Variants in ZFYVE21 observed in about 807,000 individuals in gnomAD.
The protein encoded by ZFYVE21 is zinc finger FYVE domain-containing protein 21.
In ZFYVE21, 21 loss-of-function variants were observed where a neutral mutation model predicts 29.5. The observed-to-expected ratio is 0.71, with a 90% CI of 0.50 to 1.02. ZFYVE21 has a LOEUF of 1.02. Ranked by LOEUF, ZFYVE21 falls within the 50% of genes least tolerant of loss-of-function variation. ZFYVE21 has a pLI of 0.00. For missense variants in ZFYVE21, 326 were observed against 335.4 expected, an observed-to-expected ratio of 0.97 and a Z score of 0.22; for synonymous variants, 151 against 133.8, an observed-to-expected ratio of 1.13 and a Z score of -0.89.
rs545448038 is a variant in ZFYVE21 at position 103,729,974 on chromosome 14, G to A, written c.526+792G>A. 6 of 1,111,124 alleles carry A rather than the reference G, an allele frequency of 5.4e-6. No individual in the cohort carries two copies. In the South Asian group the frequency reaches 6.3e-5, roughly 12 times the overall value. The allele number at this position is 1,111,124 out of a possible 1,614,324, so 68.8% of individuals were successfully genotyped here. On this transcript the variant is annotated intron_variant, in intron 5 of 6. Coordinates refer to ENST00000311141, the MANE Select transcript of ZFYVE21 (RefSeq NM_024071.4). ...TGTGAAACCTGAATTCACTTACTTTGGTTGACTTAAGAGAGATGTTGGATC... is the reference window on the plus strand; with the variant it reads ...TGTGAAACCTGAATTCACTTACTTTAGTTGACTTAAGAGAGATGTTGGATC...
chr14:103,728,736 A>T (rs927512414), intron 3 of ZFYVE21, 172 bp from the exon 4 acceptor site: 47 of 641,588 alleles, frequency 7.3e-5, no homozygotes, highest in Non-Finnish European at 2.2e-5. Flanking sequence ...TAAACCCTTG[A>T]TCCATGACTG....
chr14:103,728,108 G>A (rs1319377288), intron 3 of ZFYVE21, 194 bp downstream of exon 3: 14 of 604,388 alleles, frequency 2.3e-5, no homozygotes, highest in Non-Finnish European at 3.5e-5. Flanking sequence ...GCGGAATGTC[G>A]TCTAAAATGT....
Position 103,726,779 on chromosome 14 carries a change from G to T in ZFYVE21, c.139-13G>T, listed in dbSNP as rs770144586. ...CCAAGCTGCGTTTTAACGCTTTGTC[G>T]TGTCTTTCCTAGTGTCGGAGATGTA... On this transcript the variant is annotated splice_polypyrimidine_tract_variant and intron_variant, in intron 1 of 6. Coordinates refer to ENST00000311141, the MANE Select transcript of ZFYVE21 (RefSeq NM_024071.4). The T allele has an allele frequency of 1.5e-5, 25 of 1,613,730 alleles. No individual in the cohort carries two copies. The highest frequency in any genetic ancestry group is 1.6e-4 in the Middle Eastern group (1 of 6,082).
intron 2 of ZFYVE21, chr14:103,727,523 G>C: frequency 1.0e-5 from 7 of 697,812 alleles, no homozygotes; most frequent in Non-Finnish European, 1.8e-5. Flanking sequence ...CAGCCATTTT[G>C]ATCCATGATT....
chr14:103,720,155 A>G (rs2083861107), intron 1 of ZFYVE21, among the ~76,000 whole-genome samples: 1 of 152,222 alleles, frequency 6.6e-6, no homozygotes, highest in South Asian at 2.1e-4. Context: ...GAGAGGAGCC[A>G]GTTTACAACT....
chr14:103,722,450 G>T (rs1049689757), intron 1 of ZFYVE21, among the ~76,000 whole-genome samples: 4 of 150,638 alleles, frequency 2.7e-5, no homozygotes, highest in African/African-American at 9.8e-5. Flanking sequence ...GACCTCCTGG[G>T]CTCAAGCTGT....
chr14:103,724,106 G>C (rs757848328), intron 1 of ZFYVE21, among the ~76,000 whole-genome samples: 1 of 152,226 alleles, frequency 6.6e-6, no homozygotes, highest in Non-Finnish European at 1.5e-5. Context: ...TGGAGGATCC[G>C]TGGCTGGGCC....
At chr14:103,726,983 TCGCCCAGGCTGGAGTGCAGTGG>T in intron 2 of ZFYVE21, 141 bp downstream of exon 2, 6 of 771,190 alleles carry the variant, frequency 7.8e-6, no homozygotes, top group Non-Finnish European at 1.2e-5. Context: ...TTCGCTCTTG[TCGCCCAGGCTGGAGTGCAGTGG>T]CTCCATCTCG....
At chr14:103,729,992 G>A in intron 5 of ZFYVE21, 1 of 884,748 alleles carries the variant, frequency 1.1e-6, no homozygotes, top group South Asian at 1.8e-5. Flanking sequence ...TAAGAGAGAT[G>A]TTGGATCTGA....
intron 5 of ZFYVE21, 63 bp downstream of exon 5, chr14:103,729,245 G>A (rs2083954493): frequency 6.4e-7 from 1 of 1,562,084 alleles, no homozygotes; most frequent in Non-Finnish European, 8.8e-7. Flanking sequence ...GGTGACAAGA[G>A]GAGCATGCAC....
intron 3 of ZFYVE21, among the ~76,000 whole-genome samples, chr14:103,728,331 A>G (rs754041832): frequency 1.3e-5 from 2 of 152,156 alleles, no homozygotes; most frequent in African/African-American, 2.4e-5. Flanking sequence ...GGAGAAGGGC[A>G]TTCTCCAGGG....
At chr14:103,719,097 C>T (rs958786219) in intron 1 of ZFYVE21, among the ~76,000 whole-genome samples, 2 of 151,998 alleles carry the variant, frequency 1.3e-5, no homozygotes, top group Non-Finnish European at 2.9e-5. Context: ...GGACCTCCAG[C>T]AGATCAGAGA....
intron 1 of ZFYVE21, among the ~76,000 whole-genome samples, chr14:103,723,819 G>A (rs940545491): frequency 1.3e-5 from 2 of 152,218 alleles, no homozygotes; most frequent in East Asian, 1.9e-4. Flanking sequence ...GACTGTCTCC[G>A]AGCCCCCTGT....
At chr14:103,732,302 C>T (rs1212971221) in intron 5 of ZFYVE21, 2 of 227,746 alleles carry the variant, frequency 8.8e-6, no homozygotes, top group Non-Finnish European at 1.7e-5. Context: ...CCCCCACAGG[C>T]CCCAGGGCAT....
At chr14:103,718,210 C>T (rs1389418917) in intron 1 of ZFYVE21, among the ~76,000 whole-genome samples, 1 of 152,160 alleles carries the variant, frequency 6.6e-6, no homozygotes, top group Non-Finnish European at 1.5e-5. Flanking sequence ...GGCCGTGTGC[C>T]GATCGGCATC....
chr14:103,722,547 C>T (rs988654593), intron 1 of ZFYVE21, among the ~76,000 whole-genome samples: 5 of 151,936 alleles, frequency 3.3e-5, no homozygotes, highest in African/African-American at 1.2e-4. Flanking sequence ...AGGCCGGGCA[C>T]GGTGGCTCAC....
chr14:103,722,475 C>T (rs2151951267), intron 1 of ZFYVE21, among the ~76,000 whole-genome samples: 1 of 151,664 alleles, frequency 6.6e-6, no homozygotes, highest in Non-Finnish European at 1.5e-5. Flanking sequence ...CCAGCTCTGC[C>T]TCCCAAGTAG....
intron 5 of ZFYVE21, chr14:103,729,856 TTCC>T: frequency 6.5e-7 from 1 of 1,536,084 alleles, no homozygotes; most frequent in Non-Finnish European, 8.7e-7. Flanking sequence ...GGTCAGCCTC[TTCC>T]TCCTCACCGG....
Position 103,715,956 on chromosome 14 carries a change from C to A in ZFYVE21, c.115C>A (p.Pro39Thr). ...CGGAAGCCCGTTCGGCCTGGAGGAG[C>A]CGCAGTGGGTCCCGGACAAGGAGGT... is the stretch of plus-strand genomic sequence containing the variant. ...AFGSPFGLEE[P>T]QWVPDKECRR... The change falls in exon 1 of 7, where the codon CCG (proline) becomes ACG (threonine). Residue 39 changes from proline (P) to threonine (T), a missense_variant. Coordinates refer to ENST00000311141, the MANE Select transcript of ZFYVE21 (RefSeq NM_024071.4). 1 of 1,404,894 alleles carries A rather than the reference C, an allele frequency of 7.1e-7. No individual in the cohort carries two copies. The highest frequency in any genetic ancestry group is 2.6e-5 in the Admixed American group (1 of 38,802). The allele number at this position is 1,404,894 out of a possible 1,614,324, so 87.0% of individuals were successfully genotyped here. A position where few individuals can be genotyped will look rare whatever the true frequency, so the allele number is the denominator to read the frequency against.
Sources: allele counts gnomAD v4.1 joint callset (sites outside exome capture counted in the v4.1 genomes callset), GRCh38; gene constraint gnomAD v4.1.1; transcripts MANE v1.5; gene names NCBI Gene and HGNC (gene_info 2026-07-23, HGNC 2026-07-21).